PREX2: variants seen among roughly 807,000 people sequenced by gnomAD.
PREX2 encodes the protein phosphatidylinositol-3,4,5-trisphosphate dependent Rac exchange factor 2, also known as phosphatidylinositol 3,4,5-trisphosphate-dependent Rac exchanger 2 protein.
Under a neutral mutation model 203.2 loss-of-function variants are expected in PREX2, and 107 were observed. The observed-to-expected ratio is 0.53, with a 90% CI of 0.45 to 0.62. PREX2 has a LOEUF of 0.62. Ranked by LOEUF, PREX2 falls within the 20% of genes least tolerant of loss-of-function variation. PREX2 has a pLI of 0.00. For synonymous variants in PREX2, 672 were observed against 663.6 expected (o/e 1.01, Z -0.19); for missense variants, 1,777 against 1,955.9 (o/e 0.91, Z 1.72).
Position 68,138,601 on chromosome 8 carries a change from T to C in PREX2, c.4087+84T>C, listed in dbSNP as rs866156548. ...CTTTGGTATTAATATATTTGATAAGTATTTTATGAACTGAATGATTGAAAT... is the reference window on the plus strand; with the variant it reads ...CTTTGGTATTAATATATTTGATAAGCATTTTATGAACTGAATGATTGAAAT... On this transcript the variant is annotated intron_variant, in intron 33 of 39. Coordinates refer to ENST00000288368, the MANE Select transcript of PREX2 (RefSeq NM_024870.4). 2.6e-5 allele frequency: 16 copies of C among 610,456 alleles called. No homozygotes were observed. In the South Asian group the frequency reaches 3.9e-4, roughly 15 times the overall value. The allele number at this position is 610,456 out of a possible 1,614,324, so 37.8% of individuals were successfully genotyped here.
rs1238019188 is a variant in PREX2 at position 68,099,306 on chromosome 8, G to GA, written c.2554-367dup. Among the ~76,000 whole-genome samples the GA allele has an allele frequency of 4.3e-4, 65 of 150,550 alleles. 1 individual carries two copies. The highest frequency in any genetic ancestry group is 3.5e-3 in the Admixed American group (53 of 15,112). On this transcript the variant is annotated intron_variant, in intron 22 of 39. Transcript: ENST00000288368. The stretch of plus-strand genomic sequence containing the variant: ...ATGTTTTTTTGTTCTACCAAATTGA[G>GA]AAAAAAAAATGTTCTGAGTGACTCT...
chr8:68,104,357 A>G (rs1353001770), intron 23 of PREX2, among the ~76,000 whole-genome samples: 1 of 151,742 alleles, frequency 6.6e-6, no homozygotes, highest in Non-Finnish European at 1.5e-5. Flanking sequence ...TGCTTCTCCA[A>G]TCCTGCCTCC....
chr8:68,055,760 A>G, intron 9 of PREX2, 70 bp from the exon 10 acceptor site: 1 of 1,422,254 alleles, frequency 7.0e-7, no homozygotes, highest in Non-Finnish European at 9.8e-7. Flanking sequence ...TGCTTGCTTA[A>G]TGAAGCCATA....
chr8:68,232,245 C>T lies in PREX2; in HGVS notation c.*867C>T, dbSNP rs548829988. ...AAACCTTTAAGTTAGATACCTAAAA[C>T]TCTTAATTTTATGAAGGCTCTCATA... On this transcript the variant is annotated 3_prime_UTR_variant, in exon 40 of 40. Transcript: ENST00000288368. The T allele has an allele frequency of 6.6e-6, 1 of 152,208 alleles. No individual in the cohort carries two copies. Among genetic ancestry groups the T allele is most frequent in the Non-Finnish European group, 1.5e-5 (1 of 68,012 alleles). 9.4% of individuals were successfully genotyped at this position (152,208 alleles called of 1,614,324 possible).
At chr8:67,972,547 G>T (rs770793852) in intron 1 of PREX2, among the ~76,000 whole-genome samples, 3 of 152,016 alleles carry the variant, frequency 2.0e-5, no homozygotes, top group African/African-American at 7.2e-5. Context: ...AAGGTTCCCC[G>T]TGACTATCTT....
chr8:67,956,960 C>G (rs1199102268), intron 1 of PREX2, among the ~76,000 whole-genome samples: 1 of 152,132 alleles, frequency 6.6e-6, no homozygotes, highest in Admixed American at 6.5e-5. Context: ...GCCCCTTTTT[C>G]TTCATTCGTA....
At chr8:68,110,671 A>C (rs1280599272) in intron 25 of PREX2, among the ~76,000 whole-genome samples, 7 of 152,226 alleles carry the variant, frequency 4.6e-5, no homozygotes, top group Non-Finnish European at 7.3e-5. Flanking sequence ...CAAAATATTT[A>C]GAACTTATTC....
chr8:68,168,125 C>T (rs143594921), intron 35 of PREX2, among the ~76,000 whole-genome samples: 1,591 of 152,266 alleles, frequency 0.01, 21 homozygotes, highest in African/African-American at 0.036. Flanking sequence ...GCTACGTGTA[C>T]GGATTTCTCA....
intron 10 of PREX2, among the ~76,000 whole-genome samples, chr8:68,057,059 T>C (rs749036832): frequency 8.5e-5 from 13 of 152,104 alleles, no homozygotes; most frequent in Non-Finnish European, 1.5e-4. Flanking sequence ...ATAATCCAAA[T>C]TGTAATCCCC....
At position 68,204,678 on chromosome 8, in the gene PREX2, CTTTTTTTTTTTTTT is replaced by C. The variant is rs1192583427; in HGVS notation, c.4604+12164_4604+12177del. ...TTCTTTTCTTTTTTCTTTCTTCTTT[CTTTTTTTTTTTTTT>C]TTTTTTTTTTGAGACACAGTCTAGC... On this transcript the variant is annotated intron_variant, in intron 37 of 39. Coordinates refer to ENST00000288368, the MANE Select transcript of PREX2 (RefSeq NM_024870.4). Among the ~76,000 whole-genome samples the C allele has an allele frequency of 4.7e-3, 392 of 83,418 alleles. 5 individuals are homozygous for C. In the Middle Eastern group the frequency reaches 0.052, roughly 11 times the overall value. The allele number at this position is 83,418 out of a possible 152,430, so 54.7% of individuals were successfully genotyped here. A position where few individuals can be genotyped will look rare whatever the true frequency, so the allele number is the denominator to read the frequency against.
chr8:68,081,818 C>T (rs1809536680), intron 17 of PREX2, among the ~76,000 whole-genome samples: 2 of 151,918 alleles, frequency 1.3e-5, no homozygotes, highest in South Asian at 4.2e-4. Flanking sequence ...CCTCAGCCTC[C>T]AGAGTAGCTG....
At chr8:68,199,821 A>G (rs1156700507) in intron 37 of PREX2, among the ~76,000 whole-genome samples, 1 of 152,354 alleles carries the variant, frequency 6.6e-6, no homozygotes, top group East Asian at 1.9e-4. Flanking sequence ...AAATAGGCCC[A>G]GATTAGGTAA....
At chr8:68,031,321 A>AT (rs1188133130) in intron 6 of PREX2, among the ~76,000 whole-genome samples, 3 of 152,208 alleles carry the variant, frequency 2.0e-5, no homozygotes, top group African/African-American at 7.2e-5. Context: ...CTGTCATTAC[A>AT]TTGCCTTAAT....
intron 1 of PREX2, among the ~76,000 whole-genome samples, chr8:68,006,954 G>T (rs1329484014): frequency 6.6e-6 from 1 of 152,110 alleles, no homozygotes; most frequent in Non-Finnish European, 1.5e-5. Flanking sequence ...CATAACCCAG[G>T]TCAGAAAAAA....
At chr8:67,956,703 G>A (rs1357134675) in intron 1 of PREX2, among the ~76,000 whole-genome samples, 4 of 152,192 alleles carry the variant, frequency 2.6e-5, no homozygotes, top group Non-Finnish European at 4.4e-5. Flanking sequence ...TTCTGAGGGT[G>A]AAAGGGAGTG....
intron 7 of PREX2, among the ~76,000 whole-genome samples, chr8:68,040,443 T>C (rs1446340666): frequency 1.3e-5 from 2 of 152,084 alleles, no homozygotes; most frequent in Non-Finnish European, 2.9e-5. Flanking sequence ...CCTCCCTCCT[T>C]CCTTTAGCCT....
chr8:67,976,647 AGAGAGAGAGACGG>A (rs750021122), intron 1 of PREX2, among the ~76,000 whole-genome samples: 5,344 of 110,724 alleles, frequency 0.048, 473 homozygotes, highest in African/African-American at 0.071. Context: ...AGAGAGACAG[AGAGAGAGAGACGG>A]GAGAGAGACA....
intron 7 of PREX2, among the ~76,000 whole-genome samples, chr8:68,041,334 G>T (rs1808191497): frequency 6.6e-6 from 1 of 152,114 alleles, no homozygotes; most frequent in Non-Finnish European, 1.5e-5. Flanking sequence ...TCTTAAATCA[G>T]TTATCAAGAT....
At chr8:68,112,632 A>G (rs1361525547) in intron 25 of PREX2, among the ~76,000 whole-genome samples, 1 of 152,162 alleles carries the variant, frequency 6.6e-6, no homozygotes, top group African/African-American at 2.4e-5. Context: ...AGATTACATT[A>G]TTATATACAT....
Sources: gnomAD v4.1 joint callset for allele counts (sites outside exome capture counted in the v4.1 genomes callset) on GRCh38, gnomAD v4.1.1 for gene constraint, MANE v1.5 for transcripts, NCBI Gene and HGNC (gene_info 2026-07-23, HGNC 2026-07-21) for gene names.